The following F13A1 variants were observed in gnomAD, a reference collection of about 807,000 sequenced individuals.
F13A1 encodes coagulation factor XIII A chain.
Under a neutral mutation model 80.1 loss-of-function variants are expected in F13A1, and 47 were observed. The observed-to-expected ratio is 0.59, with a 90% CI of 0.46 to 0.75. F13A1 has a LOEUF of 0.75. Among genes scored for constraint, F13A1 ranks in the 30% least tolerant of loss-of-function variants. The pLI is 0.00. For missense variants in F13A1, 817 were observed against 930.4 expected (o/e 0.88, Z 1.59); for synonymous variants, 349 against 344.9 (o/e 1.01, Z -0.13).
At chr6:6,307,568 A>G (rs1051462436) in intron 2 of F13A1, among the ~76,000 whole-genome samples, 4 of 152,180 alleles carry the variant, frequency 2.6e-5, no homozygotes, top group Non-Finnish European at 5.9e-5. Flanking sequence ...TTTTAAAAAT[A>G]GCTAAACACC....
At chr6:6,188,337 C>T (rs1414915923) in intron 10 of F13A1, among the ~76,000 whole-genome samples, 22 of 146,224 alleles carry the variant, frequency 1.5e-4, no homozygotes, top group Admixed American at 1.4e-3. Flanking sequence ...TTGGATCTTT[C>T]CTGCTTTCTC....
At chr6:6,283,027 G>A (rs558712658) in intron 3 of F13A1, among the ~76,000 whole-genome samples, 1 of 152,282 alleles carries the variant, frequency 6.6e-6, no homozygotes, top group South Asian at 2.1e-4. Flanking sequence ...CCTTAATCGA[G>A]TGGTTAAGTT....
At chr6:6,304,594 T>A (rs1758483918) in intron 3 of F13A1, among the ~76,000 whole-genome samples, 1 of 152,070 alleles carries the variant, frequency 6.6e-6, no homozygotes, top group Admixed American at 6.6e-5. Flanking sequence ...GGGCATGGTG[T>A]CTCATGCCTG....
At position 6,174,854 on chromosome 6, in the gene F13A1, C is replaced by G; in HGVS notation, c.1473G>C (p.Glu491Asp). The change falls in exon 12 of 15, where the codon GAG becomes GAC. Residue 491 changes from glutamate (E) to aspartate (D), a missense_variant. Coordinates refer to ENST00000264870, the MANE Select transcript of F13A1 (RefSeq NM_000129.4). Reference sequence around the variant, plus strand: ...TCAGGGCAGTTTCTAGGGCCAATCTCTCTTCTTCTTGACCTGGGGGAGATC... The same window carrying G: ...TCAGGGCAGTTTCTAGGGCCAATCTGTCTTCTTCTTGACCTGGGGGAGATC... ...TYKFQEGQEE[E>D]RLALETALMY... is the part of the protein sequence containing the mutation. The G allele has an allele frequency of 6.2e-7, 1 of 1,614,168 alleles. No individual in the cohort carries two copies. The highest frequency in any genetic ancestry group is 8.5e-7 in the Non-Finnish European group (1 of 1,180,028).
At chr6:6,275,056 C>A (rs1246035419) in intron 3 of F13A1, among the ~76,000 whole-genome samples, 2 of 152,062 alleles carry the variant, frequency 1.3e-5, no homozygotes, top group Non-Finnish European at 2.9e-5. Context: ...CTTAAGTGAT[C>A]TGGTGAGATT....
At chr6:6,293,938 C>T (rs1222643182) in intron 3 of F13A1, among the ~76,000 whole-genome samples, 1 of 152,078 alleles carries the variant, frequency 6.6e-6, no homozygotes, top group Non-Finnish European at 1.5e-5. Context: ...CTCATCTATA[C>T]AGGCACAGGG....
intron 2 of F13A1, among the ~76,000 whole-genome samples, chr6:6,310,521 GTTATTA>G (rs573593010): frequency 4.6e-5 from 7 of 152,042 alleles, no homozygotes; most frequent in Admixed American, 1.3e-4. Flanking sequence ...TATTGTTGTT[GTTATTA>G]TTATTAAGAG....
chr6:6,248,374 C>T lies in F13A1; in HGVS notation c.736G>A (p.Ala246Thr). The change falls in exon 6 of 15, where the codon GCA (alanine) becomes ACA (threonine). Residue 246 changes from alanine to threonine, a missense_variant. Coordinates refer to ENST00000264870, the MANE Select transcript of F13A1 (RefSeq NM_000129.4). The part of the protein sequence containing the change: ...LDTCLYVMDR[A>T]QMDLSGRGNP... ...CCTCTTCCAGAGAGGTCCATTTGTG[C>T]TCTGTCCATCACATACAGGCAAGTG... 2 of 1,613,920 alleles carry T rather than the reference C, an allele frequency of 1.2e-6. No individual in the cohort carries two copies. The highest frequency in any genetic ancestry group is 1.7e-6 in the Non-Finnish European group (2 of 1,179,872).
At chr6:6,310,752 A>G (rs1162865355) in intron 2 of F13A1, among the ~76,000 whole-genome samples, 4 of 152,210 alleles carry the variant, frequency 2.6e-5, no homozygotes, top group Admixed American at 2.6e-4. Flanking sequence ...ATGCTCAGAA[A>G]TTGATGGCAA....
intron 2 of F13A1, among the ~76,000 whole-genome samples, chr6:6,315,674 T>C (rs1758669607): frequency 6.6e-6 from 1 of 152,028 alleles, no homozygotes; most frequent in Non-Finnish European, 1.5e-5. Context: ...ATTTCCCCCC[T>C]TTTCCTCTTC....
At chr6:6,195,954 A>C in intron 9 of F13A1, 69 bp from the exon 10 acceptor site, 1 of 1,386,322 alleles carries the variant, frequency 7.2e-7, no homozygotes, top group East Asian at 2.3e-5. Flanking sequence ...TGCAAGATTC[A>C]TGGCACTGAG....
intron 8 of F13A1, among the ~76,000 whole-genome samples, chr6:6,205,599 G>C (rs913090776): frequency 9.2e-5 from 14 of 152,142 alleles, no homozygotes; most frequent in African/African-American, 4.8e-5. Flanking sequence ...TATTTATCAA[G>C]AGAATTGTAA....
At chr6:6,300,707 T>G (rs557017862) in intron 3 of F13A1, among the ~76,000 whole-genome samples, 2 of 152,306 alleles carry the variant, frequency 1.3e-5, no homozygotes, top group East Asian at 3.9e-4. Context: ...GTCTTCTGGG[T>G]CGCTCAGGCT....
chr6:6,164,451 A>G (rs1760629581), intron 13 of F13A1, among the ~76,000 whole-genome samples: 1 of 152,090 alleles, frequency 6.6e-6, no homozygotes, highest in African/African-American at 2.4e-5. Context: ...GTGTTTATCT[A>G]CATAACAAAC....
rs35484963 is a variant in F13A1, at chr6:6,250,411, T to TAAAAAAAAAAAAA, written c.690+387_690+399dup. Among the ~76,000 whole-genome samples the TAAAAAAAAAAAAA allele has an allele frequency of 6.9e-6, 1 of 144,834 alleles. No individual in the cohort carries two copies. The stretch of plus-strand genomic sequence containing the variant: ...ATTAGCAGTACCCTAGGCTAACACT[T>TAAAAAAAAAAAAA]AAAAAAAAAAAAAAAGAAGCTATTT... On this transcript the variant is annotated intron_variant, in intron 5 of 14. Coordinates refer to ENST00000264870, the MANE Select transcript of F13A1 (RefSeq NM_000129.4). The surrounding 1 kb of genome is among the most constrained non-coding windows in gnomAD (Gnocchi z 4.2).
intron 10 of F13A1, among the ~76,000 whole-genome samples, chr6:6,182,939 T>C (rs770303221): frequency 4.6e-5 from 7 of 152,186 alleles, no homozygotes; most frequent in Non-Finnish European, 7.3e-5. Flanking sequence ...TTTCTATTGG[T>C]TCAGCAACTA....
At chr6:6,277,008 A>G (rs1264022832) in intron 3 of F13A1, among the ~76,000 whole-genome samples, 1 of 152,166 alleles carries the variant, frequency 6.6e-6, no homozygotes. Flanking sequence ...ACTGAGCCGC[A>G]GCCATGATGG....
At chr6:6,177,887 G>A (rs930366564) in intron 11 of F13A1, among the ~76,000 whole-genome samples, 35 of 152,182 alleles carry the variant, frequency 2.3e-4, no homozygotes, top group Admixed American at 2.3e-3. Flanking sequence ...ATGCAGGTGG[G>A]GGGCTTGGCT....
chr6:6,226,562 T>G (rs1583081723), intron 6 of F13A1, among the ~76,000 whole-genome samples: 1 of 152,304 alleles, frequency 6.6e-6, no homozygotes, highest in East Asian at 1.9e-4. Flanking sequence ...AACTAACAAC[T>G]CAGCCTCATC....
Sources: allele counts gnomAD v4.1 joint callset (sites outside exome capture counted in the v4.1 genomes callset), GRCh38; gene constraint gnomAD v4.1.1; non-coding constraint Gnocchi (gnomAD v3.1); transcripts MANE v1.5; gene names NCBI Gene and HGNC (gene_info 2026-07-23, HGNC 2026-07-21).